KRT73: variants seen among roughly 807,000 people sequenced by gnomAD.
The protein encoded by KRT73 is keratin 73.
A neutral mutation model predicts 47.2 loss-of-function variants in KRT73; 44 were observed. That is an observed-to-expected ratio of 0.93 (90% CI 0.73 to 1.20). The LOEUF (loss-of-function observed/expected upper bound fraction) is 1.20. Ranked by LOEUF, KRT73 falls within the 50% of genes most tolerant of loss-of-function variation. The probability of loss-of-function intolerance (pLI) is 0.00; values close to 1 mark genes in which losing one functional copy is unlikely to be tolerated. For synonymous variants in KRT73, 285 were observed against 291.3 expected (o/e 0.98, Z 0.22); for missense variants, 713 against 704.5 (o/e 1.01, Z -0.14).
At chr12:52,618,928 AT>A (rs1940864021), upstream of KRT73, among the ~76,000 whole-genome samples, 1 of 152,128 alleles carries the variant, frequency 6.6e-6, no homozygotes, top group Non-Finnish European at 1.5e-5. Context: ...TCTGTTAGAA[AT>A]CTCACAACCA....
intron 5 of KRT73, chr12:52,613,360 T>C (rs893338361): frequency 1.4e-5 from 3 of 218,940 alleles, no homozygotes; most frequent in Admixed American, 1.0e-4. Context: ...CAACTACTCA[T>C]GTGGCTTCTC....
At chr12:52,620,109 C>CTTTTTTTTTTTTTTTTTTTTTT (rs10638831), upstream of KRT73, among the ~76,000 whole-genome samples, 1 of 94,446 alleles carries the variant, frequency 1.1e-5, no homozygotes, top group Admixed American at 1.4e-4. Flanking sequence ...TCCTTTTTTT[C>CTTTTTTTTTTTTTTTTTTTTTT]TTTTTTTTTT....
intron 4 of KRT73, 109 bp downstream of exon 4, chr12:52,614,470 A>G (rs576837251): frequency 5.6e-5 from 50 of 887,206 alleles, no homozygotes; most frequent in Admixed American, 3.0e-4. Context: ...CAGCACCCCA[A>G]TGCTGGAGGT....
At chr12:52,623,397 A>G (rs914968064), upstream of KRT73, among the ~76,000 whole-genome samples, 2 of 152,230 alleles carry the variant, frequency 1.3e-5, no homozygotes, top group Non-Finnish European at 2.9e-5. Context: ...TTCAGGAATG[A>G]AGACAAAATG....
chr12:52,619,928 G>A (rs1940874671), upstream of KRT73, among the ~76,000 whole-genome samples: 1 of 152,066 alleles, frequency 6.6e-6, no homozygotes, highest in African/African-American at 2.4e-5. Flanking sequence ...GTTATGATAT[G>A]CCTCTAAAAT....
chr12:52,623,707 G>A, the KRT73 span, among the ~76,000 whole-genome samples: 3 of 151,680 alleles, frequency 2.0e-5, no homozygotes, highest in East Asian at 1.9e-4. Context: ...AATGAGAGAC[G>A]GTAAAGGAAT....
intron 7 of KRT73, chr12:52,609,874 C>T (rs567844823): frequency 6.5e-6 from 1 of 152,694 alleles, no homozygotes; most frequent in Non-Finnish European, 1.5e-5. Context: ...AAATAGAAAC[C>T]AGTATTATTA....
chr12:52,630,080 T>C, the KRT73 span, among the ~76,000 whole-genome samples: 1 of 152,158 alleles, frequency 6.6e-6, no homozygotes, highest in Non-Finnish European at 1.5e-5. Flanking sequence ...TCCCTCTTGT[T>C]CAAGTGAGGG....
the KRT73 span, among the ~76,000 whole-genome samples, chr12:52,624,230 T>C: frequency 6.6e-6 from 1 of 152,022 alleles, no homozygotes; most frequent in South Asian, 2.1e-4. Context: ...CTAATGTTTA[T>C]ACACCAAACA....
At chr12:52,617,502 G>A (rs189462283) in intron 1 of KRT73, among the ~76,000 whole-genome samples, 6 of 152,046 alleles carry the variant, frequency 3.9e-5, no homozygotes, top group Middle Eastern at 3.4e-3. Flanking sequence ...CTAGGGCACC[G>A]TGACCTCCAG....
chr12:52,616,389 C>T lies in KRT73; in HGVS notation c.448-9G>A, dbSNP rs1057370339. ...TGCTCCAGGAACCGCACCTGGAACC[C>T]ATGCCACACATACTTAAGCAATGTG... On this transcript the variant is annotated splice_polypyrimidine_tract_variant and intron_variant, in intron 1 of 8. Transcript: ENST00000305748. The T allele has an allele frequency of 1.9e-6, 3 of 1,613,976 alleles. No homozygotes were observed. The highest frequency in any genetic ancestry group is 2.2e-5 in the East Asian group (1 of 44,886).
intron 2 of KRT73, among the ~76,000 whole-genome samples, chr12:52,615,849 G>A (rs750922017): frequency 1.3e-5 from 2 of 152,150 alleles, no homozygotes; most frequent in African/African-American, 2.4e-5. Flanking sequence ...GCGGGTGGGT[G>A]GGGGGTGGTT....
In KRT73 at chr12:52,610,626, G is replaced by C; in HGVS notation, c.1320C>G (p.Gly440=). Residue 440 remains glycine (G), a synonymous_variant, in exon 7 of 9, where the codon GGC becomes GGG. Transcript: ENST00000305748. ...EIATYRKLLE[G]EECRMSGEYT... ...TCGGTCCCACCCACCTGCACTCCTC[G>C]CCCTCCAGCAGCTTGCGGTAGGTGG... The C allele has an allele frequency of 2.1e-6, 3 of 1,405,380 alleles. No homozygotes were observed. In the African/African-American group the frequency reaches 4.7e-5, roughly 22 times the overall value. The allele number at this position is 1,405,380 out of a possible 1,614,324, so 87.1% of individuals were successfully genotyped here.
At chr12:52,624,065 C>T in the KRT73 span, among the ~76,000 whole-genome samples, 1 of 151,904 alleles carries the variant, frequency 6.6e-6, no homozygotes, top group Non-Finnish European at 1.5e-5. Flanking sequence ...CAACTATATG[C>T]TATCTCCAAA....
At chr12:52,624,533 T>C in the KRT73 span, among the ~76,000 whole-genome samples, 1 of 152,052 alleles carries the variant, frequency 6.6e-6, no homozygotes, top group Non-Finnish European at 1.5e-5. Context: ...CTCAACAAGT[T>C]GTAAATAACT....
rs1454636072 is a variant in KRT73, at chr12:52,610,846, G to A, written c.1111-11C>T. 6.2e-7 allele frequency: 1 copy of A among 1,605,544 alleles called. No individual in the cohort carries two copies. The highest frequency in any genetic ancestry group is 8.5e-7 in the Non-Finnish European group (1 of 1,176,236). ...CTCCAGGTTGGCACACTGGGGTCAG[G>A]AGGTAGCATTTCTCCCTGAGTTCCT... On this transcript the variant is annotated splice_polypyrimidine_tract_variant and intron_variant, in intron 6 of 8. Coordinates refer to ENST00000305748, the MANE Select transcript of KRT73 (RefSeq NM_175068.3).
At chr12:52,623,999 C>T in the KRT73 span, among the ~76,000 whole-genome samples, 10 of 151,840 alleles carry the variant, frequency 6.6e-5, no homozygotes, top group African/African-American at 1.9e-4. Context: ...ATATAAATGG[C>T]CTAAATGTAC....
chr12:52,620,224 C>T (rs568282743), upstream of KRT73, among the ~76,000 whole-genome samples: 59 of 149,726 alleles, frequency 3.9e-4, no homozygotes, highest in South Asian at 3.6e-3. Flanking sequence ...AGGGATTCTC[C>T]TGCCTCAGCC....
the KRT73 span, among the ~76,000 whole-genome samples, chr12:52,627,801 G>A: frequency 6.6e-6 from 1 of 152,106 alleles, no homozygotes; most frequent in East Asian, 1.9e-4. Flanking sequence ...AGGAAACAAG[G>A]GTCCTTTGTG....
Sources: allele counts gnomAD v4.1 joint callset (sites outside exome capture counted in the v4.1 genomes callset), GRCh38; gene constraint gnomAD v4.1.1; transcripts MANE v1.5; gene names NCBI Gene and HGNC (gene_info 2026-07-23, HGNC 2026-07-21).